Variants in ATG4B observed in about 807,000 individuals in gnomAD.
ATG4B encodes the protein autophagy related 4B cysteine peptidase.
In ATG4B, 29 loss-of-function variants were observed where a neutral mutation model predicts 56.6. The observed-to-expected ratio is 0.51, with a 90% CI of 0.38 to 0.70. The LOEUF (loss-of-function observed/expected upper bound fraction) is 0.70, where lower values mean the gene tolerates loss of function less well. ATG4B is among the 30% of genes least tolerant of loss of function. ATG4B has a pLI of 0.00. For synonymous variants in ATG4B, 224 were observed against 206.1 expected (o/e 1.09, Z -0.74); for missense variants, 461 against 515.5 (o/e 0.89, Z 1.02).
intron 1 of ATG4B, among the ~76,000 whole-genome samples, chr2:241,643,637 C>A (rs527856298): frequency 6.2e-5 from 9 of 145,878 alleles, no homozygotes; most frequent in Admixed American, 2.1e-4. Flanking sequence ...TAAATATATA[C>A]ACATATATGT....
At chr2:241,645,613 G>T (rs1464674948) in intron 1 of ATG4B, among the ~76,000 whole-genome samples, 1 of 152,184 alleles carries the variant, frequency 6.6e-6, no homozygotes, top group Non-Finnish European at 1.5e-5. Flanking sequence ...AAGGTCACTA[G>T]CCTGTAAGGT....
intron 7 of ATG4B, among the ~76,000 whole-genome samples, chr2:241,664,072 C>T (rs949807926): frequency 1.3e-5 from 2 of 152,116 alleles, no homozygotes; most frequent in East Asian, 1.9e-4. Flanking sequence ...CCCACCTTGG[C>T]CTCCCAGAGT....
chr2:241,669,953 A>G (rs968428085), intron 10 of ATG4B, among the ~76,000 whole-genome samples: 11 of 152,144 alleles, frequency 7.2e-5, no homozygotes, highest in Non-Finnish European at 1.5e-4. Flanking sequence ...CACCGCAGAC[A>G]GAGGAGTGGA....
intron 1 of ATG4B, among the ~76,000 whole-genome samples, chr2:241,639,358 T>A (rs1426671704): frequency 6.6e-6 from 1 of 152,210 alleles, no homozygotes; most frequent in African/African-American, 2.4e-5. Flanking sequence ...TCAGCAGCCC[T>A]GTTACTCCCA....
At chr2:241,656,972 C>CTTTCTTTTTTT (rs1559260701) in intron 6 of ATG4B, among the ~76,000 whole-genome samples, 1 of 148,834 alleles carries the variant, frequency 6.7e-6, no homozygotes, top group Non-Finnish European at 1.5e-5. Context: ...GGACTCCTCT[C>CTTTCTTTTTTT]TTTTTTCTTT....
Position 241,651,069 on chromosome 2 carries a change from G to C in ATG4B, c.70G>C (p.Glu24Gln). ...GTTTGAAGATTTTCCTGAGACCTCA[G>C]AGCCCGTTTGGATACTGGGTAGAAA... ...AEFEDFPETSEPVWILGRKYS... is the reference protein window; with the variant it reads ...AEFEDFPETSQPVWILGRKYS... The change falls in exon 2 of 13, where the codon GAG becomes CAG. Residue 24 changes from glutamate (E) to glutamine (Q), a missense_variant. Physicochemically the swap from Glu to Gln is conservative, Grantham distance 29. Transcript: ENST00000404914. The surrounding 1 kb of genome is among the most constrained non-coding windows in gnomAD (Gnocchi z 4.1). The C allele has an allele frequency of 6.2e-7, 1 of 1,613,944 alleles. No homozygotes were observed. The highest frequency in any genetic ancestry group is 8.5e-7 in the Non-Finnish European group (1 of 1,179,874).
At chr2:241,648,924 C>T (rs1454352860) in intron 1 of ATG4B, among the ~76,000 whole-genome samples, 1 of 152,242 alleles carries the variant, frequency 6.6e-6, no homozygotes, top group Non-Finnish European at 1.5e-5. Flanking sequence ...GTGCCTTTGA[C>T]CCTGTGGTTC....
rs761033098 is a variant in ATG4B at position 241,670,736 on chromosome 2, G to T, written c.968G>T (p.Cys323Phe). The T allele has an allele frequency of 6.8e-6, 11 of 1,610,728 alleles. No homozygotes were observed. The Admixed American group carries it at 1.3e-4, about 20-fold the overall frequency. ...GTCATTTCGTTTTAGGGGTTTTTCT[G>T]TAAGACTGAAGATGACTTCAATGAT... ...LDPSIAVGFF[C>F]KTEDDFNDWC... is the part of the protein sequence containing the mutation. The change falls in exon 11 of 13, where the codon TGT (cysteine) becomes TTT (phenylalanine). Residue 323 changes from cysteine to phenylalanine, a missense_variant. Transcript: ENST00000404914.
At chr2:241,666,452 C>G (rs2068773761) in intron 7 of ATG4B, 193 bp from the exon 8 acceptor site, 1 of 624,616 alleles carries the variant, frequency 1.6e-6, no homozygotes, top group Non-Finnish European at 2.8e-6. Flanking sequence ...GAAACTATTT[C>G]TTTTTTCTCT....
chr2:241,654,167 A>C (rs1198874356), intron 4 of ATG4B, among the ~76,000 whole-genome samples: 1 of 152,172 alleles, frequency 6.6e-6, no homozygotes, highest in Non-Finnish European at 1.5e-5. Context: ...TCACGCCTGT[A>C]ATCCCAGCAC....
At chr2:241,660,200 A>G (rs1390778558) in intron 7 of ATG4B, among the ~76,000 whole-genome samples, 1 of 152,172 alleles carries the variant, frequency 6.6e-6, no homozygotes, top group Non-Finnish European at 1.5e-5. Context: ...CGCCCCCCAA[A>G]AAAAAGACCT....
Position 241,651,867 on chromosome 2 carries a change from G to T in ATG4B, c.184+532G>T. On this transcript the variant is annotated intron_variant, in intron 3 of 12. Transcript: ENST00000404914. This position sits in a 1 kb window ranked among gnomAD's most constrained non-coding sequence, Gnocchi z 4.1. ...TGACATGTTTTTATGTAACACTAAG[G>T]TGCATTCTGTTAAAAGCCATTCATC... 1 of 1,295,182 alleles carries T rather than the reference G, an allele frequency of 7.7e-7. No homozygotes were observed. Among genetic ancestry groups the T allele is most frequent in the Non-Finnish European group, 1.0e-6 (1 of 980,712 alleles). The allele number at this position is 1,295,182 out of a possible 1,614,324, so 80.2% of individuals were successfully genotyped here. A position where few individuals can be genotyped will look rare whatever the true frequency, so the allele number is the denominator to read the frequency against.
At chr2:241,672,044 C>T (rs1478636375) in intron 12 of ATG4B, 147 bp from the exon 13 acceptor site, 3 of 1,453,300 alleles carry the variant, frequency 2.1e-6, no homozygotes, top group African/African-American at 2.8e-5. Flanking sequence ...TCTGCACAAC[C>T]CCCGGACCTG....
At chr2:241,639,411 C>T (rs370544340) in intron 1 of ATG4B, among the ~76,000 whole-genome samples, 5 of 152,208 alleles carry the variant, frequency 3.3e-5, no homozygotes, top group African/African-American at 4.8e-5. Flanking sequence ...GCTCCGTCCC[C>T]GCTGCTTCCC....
In ATG4B at chr2:241,670,799, C is replaced by T. The variant is rs1265812410; in HGVS notation, c.1014+17C>T. Reference sequence around the variant, plus strand: ...GTCAAAAAGGTTTGTAGCCGCCCCACACCCACAGCCGAGCTGAGCCACCCA... The same window carrying T: ...GTCAAAAAGGTTTGTAGCCGCCCCATACCCACAGCCGAGCTGAGCCACCCA... On this transcript the variant is annotated intron_variant, in intron 11 of 12. Coordinates refer to ENST00000404914, the MANE Select transcript of ATG4B (RefSeq NM_013325.5). The T allele has an allele frequency of 6.2e-7, 1 of 1,600,808 alleles. No individual in the cohort carries two copies. The highest frequency in any genetic ancestry group is 1.3e-5 in the African/African-American group (1 of 74,686).
At chr2:241,657,562 C>T (rs1338696367) in intron 6 of ATG4B, among the ~76,000 whole-genome samples, 1 of 152,182 alleles carries the variant, frequency 6.6e-6, no homozygotes, top group East Asian at 1.9e-4. Flanking sequence ...CTCATCCTCC[C>T]AAAGTGCTGG....
intron 1 of ATG4B, among the ~76,000 whole-genome samples, chr2:241,647,622 CAAAAAAAAAAA>C (rs35875880): frequency 4.2e-5 from 5 of 117,678 alleles, no homozygotes; most frequent in African/African-American, 1.6e-4. Context: ...GACTCCGTCT[CAAAAAAAAAAA>C]AAAAAAAAAA....
chr2:241,658,222 A>C (rs929548884), intron 6 of ATG4B, among the ~76,000 whole-genome samples: 10 of 148,110 alleles, frequency 6.8e-5, no homozygotes, highest in African/African-American at 1.0e-4. Context: ...GGGAGGAGGA[A>C]GGTGGTGTGG....
At chr2:241,645,375 C>T (rs1255793709) in intron 1 of ATG4B, among the ~76,000 whole-genome samples, 1 of 152,170 alleles carries the variant, frequency 6.6e-6, no homozygotes, top group Non-Finnish European at 1.5e-5. Context: ...ATGTTGGATT[C>T]AGTGTTAGTA....
Sources: allele counts gnomAD v4.1 joint callset (sites outside exome capture counted in the v4.1 genomes callset), GRCh38; gene constraint gnomAD v4.1.1; non-coding constraint Gnocchi (gnomAD v3.1); transcripts MANE v1.5; gene names NCBI Gene and HGNC (gene_info 2026-07-23, HGNC 2026-07-21).